ADA2: variants seen among roughly 807,000 people sequenced by gnomAD.
ADA2 encodes the protein adenosine deaminase 2, also known as adenosine deaminase CECR1.
A neutral mutation model predicts 44.2 loss-of-function variants in ADA2; 29 were observed. The observed-to-expected ratio is 0.66, with a 90% confidence interval of 0.49 to 0.89. The LOEUF is 0.89. ADA2 is among the 40% of genes least tolerant of loss of function. ADA2 has a pLI of 0.00. For synonymous variants in ADA2, 215 were observed against 234.9 expected (o/e 0.92, Z 0.77); for missense variants, 637 against 644.8 (o/e 0.99, Z 0.13).
At chr22:17,193,711 CAG>C (rs1017429361) in intron 4 of ADA2, among the ~76,000 whole-genome samples, 3 of 148,888 alleles carry the variant, frequency 2.0e-5, no homozygotes, top group African/African-American at 7.4e-5. Flanking sequence ...GGAATTTCTG[CAG>C]AGACTGTGGG....
intron 3 of ADA2, among the ~76,000 whole-genome samples, chr22:17,205,754 G>A (rs1322301701): frequency 5.9e-5 from 9 of 151,928 alleles, no homozygotes; most frequent in Admixed American, 2.6e-4. Flanking sequence ...CAAGGTGAGA[G>A]GACGGCTTGA....
chr22:17,201,967 C>CTTTTTTTTTTT (rs71200247), intron 4 of ADA2, among the ~76,000 whole-genome samples: 1 of 103,122 alleles, frequency 9.7e-6, no homozygotes, highest in African/African-American at 3.8e-5. Context: ...TTTCTTTTTT[C>CTTTTTTTTTTT]TTTTTTTTTT....
At chr22:17,207,311 G>C (rs1305770056) in intron 2 of ADA2, 21 bp from the exon 3 acceptor site, 1 of 1,571,976 alleles carries the variant, frequency 6.4e-7, no homozygotes. Context: ...AAGAAGAATG[G>C]TGAAGACAAA....
At position 17,207,254 on chromosome 22, in the gene ADA2, G is replaced by C; in HGVS notation, c.359C>G (p.Thr120Ser). Residue 120 changes from threonine to serine, a missense_variant, in exon 3 of 10, where the codon ACT (threonine) becomes AGT (serine). Transcript: ENST00000399837. ...ALHLHDIGIV[T>S]MDWLVRNVTY... ...GACATTCCTCACCAGCCAGTCCATA[G>C]TCACGATGCCAATGTCATGGAGGTG... 1 of 1,611,512 alleles carries C rather than the reference G, an allele frequency of 6.2e-7. No individual in the cohort carries two copies. The highest frequency in any genetic ancestry group is 2.2e-5 in the East Asian group (1 of 44,798).
Position 17,182,704 on chromosome 22 carries a change from G to A in ADA2, c.1139C>T (p.Thr380Ile), listed in dbSNP as rs765154508. The change falls in exon 8 of 10, where the codon ACC (threonine) becomes ATC (isoleucine). Residue 380 changes from threonine to isoleucine, a missense_variant. Coordinates refer to ENST00000399837, the MANE Select transcript of ADA2 (RefSeq NM_001282225.2). ...CAAAGCAAATCCATGGCCGATTCTG[G>A]TAGTGTTCAGCATCAGAGCATCCAG... ...NILDALMLNT[T>I]RIGHGFALSK... The A allele has an allele frequency of 1.2e-6, 2 of 1,613,892 alleles. No individual in the cohort carries two copies.
At chr22:17,209,154 T>C (rs1011297017) in intron 2 of ADA2, among the ~76,000 whole-genome samples, 11 of 152,072 alleles carry the variant, frequency 7.2e-5, no homozygotes, top group African/African-American at 2.4e-4. Flanking sequence ...CAATCCTGAC[T>C]GTCTGCGAGT....
At chr22:17,206,493 T>C (rs375263895) in intron 3 of ADA2, among the ~76,000 whole-genome samples, 4 of 152,098 alleles carry the variant, frequency 2.6e-5, no homozygotes, top group South Asian at 4.2e-4. Context: ...ATAATAATAA[T>C]AAATAACAAT....
chr22:17,202,385 C>T (rs1232387288), intron 4 of ADA2, among the ~76,000 whole-genome samples: 2 of 152,152 alleles, frequency 1.3e-5, no homozygotes, highest in Non-Finnish European at 2.9e-5. Flanking sequence ...CTCAGCCTCC[C>T]GAGTGCTGAG....
At chr22:17,195,555 A>T (rs1291809490) in intron 4 of ADA2, among the ~76,000 whole-genome samples, 4 of 151,764 alleles carry the variant, frequency 2.6e-5, no homozygotes, top group African/African-American at 9.7e-5. Context: ...AAACAAAAAA[A>T]TTTTTTTAAA....
intron 4 of ADA2, among the ~76,000 whole-genome samples, chr22:17,200,328 G>T (rs767679073): frequency 9.2e-5 from 14 of 152,094 alleles, no homozygotes; most frequent in Non-Finnish European, 1.8e-4. Flanking sequence ...CTCAATAAAA[G>T]ATGAGACCCT....
Position 17,181,808 on chromosome 22 carries a change from C to T in ADA2, c.1442+12G>A. 6.2e-7 allele frequency: 1 copy of T among 1,610,294 alleles called. No individual in the cohort carries two copies. Among genetic ancestry groups the T allele is most frequent in the Non-Finnish European group, 8.5e-7 (1 of 1,177,578 alleles). On this transcript the variant is annotated intron_variant, in intron 9 of 9. Coordinates refer to ENST00000399837, the MANE Select transcript of ADA2 (RefSeq NM_001282225.2). ...AGGAGGCGGGGGACCTGGGAGGACA[C>T]AGGACACTCACTTGATAGAGTTCAT...
At chr22:17,220,641 G>C (rs943121140), upstream of ADA2, among the ~76,000 whole-genome samples, 4 of 151,990 alleles carry the variant, frequency 2.6e-5, no homozygotes, top group Non-Finnish European at 5.9e-5. Flanking sequence ...CATGTCACAT[G>C]CATGGTCTAA....
intron 6 of ADA2, 25 bp from the exon 7 acceptor site, chr22:17,188,472 G>A (rs764068777): frequency 4.6e-6 from 7 of 1,532,052 alleles, no homozygotes; most frequent in South Asian, 3.4e-5. Flanking sequence ...GGGACAGGGA[G>A]GTGTCTGCAG....
intron 7 of ADA2, among the ~76,000 whole-genome samples, chr22:17,188,083 GAAA>G (rs1263052837): frequency 1.2e-5 from 1 of 85,290 alleles, no homozygotes; most frequent in Non-Finnish European, 2.5e-5. Flanking sequence ...GTAAAAAAAA[GAAA>G]AAAAAAGAAG....
chr22:17,205,162 TGGCTGCCAGCATGCAC>T (rs2062340168), intron 3 of ADA2, among the ~76,000 whole-genome samples: 1 of 152,070 alleles, frequency 6.6e-6, no homozygotes, highest in Non-Finnish European at 1.5e-5. Context: ...GGATTACAGG[TGGCTGCCAGCATGCAC>T]GGCTAATTTT....
chr22:17,204,862 A>G (rs2062336339), intron 3 of ADA2, among the ~76,000 whole-genome samples: 1 of 139,330 alleles, frequency 7.2e-6, no homozygotes, highest in African/African-American at 2.7e-5. Flanking sequence ...TGTCACAATC[A>G]CAGCTCGCTG....
intron 4 of ADA2, chr22:17,199,449 A>ATCCTCTTCCCCTCC: frequency 2.9e-6 from 1 of 350,730 alleles, no homozygotes. Flanking sequence ...CTTCCCCTCC[A>ATCCTCTTCCCCTCC]CCCACGAAGA....
At chr22:17,209,820 A>T in intron 1 of ADA2, 97 bp from the exon 2 acceptor site, 1 of 653,770 alleles carries the variant, frequency 1.5e-6, no homozygotes, top group South Asian at 2.0e-5. Context: ...AGAAGGCAAG[A>T]TATTGAAGGA....
chr22:17,194,504 G>C (rs1437536282), intron 4 of ADA2, among the ~76,000 whole-genome samples: 4 of 152,108 alleles, frequency 2.6e-5, no homozygotes, highest in Non-Finnish European at 4.4e-5. Context: ...GTGCTGCCCC[G>C]CTGCCTGGGC....
Sources: allele counts gnomAD v4.1 joint callset (sites outside exome capture counted in the v4.1 genomes callset), GRCh38; gene constraint gnomAD v4.1.1; transcripts MANE v1.5; gene names NCBI Gene and HGNC (gene_info 2026-07-23, HGNC 2026-07-21).